Variants in ADPRHL1 observed in about 807,000 individuals in gnomAD.
ADPRHL1 encodes the protein ADP-ribosylhydrolase like 1, also known as inactive ADP-ribosyltransferase ARH2.
A neutral mutation model predicts 44.1 loss-of-function variants in ADPRHL1; 43 were observed. That is an observed-to-expected ratio of 0.98 (90% CI 0.76 to 1.26). ADPRHL1 has a LOEUF of 1.26. Among genes scored for constraint, ADPRHL1 ranks in the 50% most tolerant of loss-of-function variants. The pLI is 0.00. For missense variants in ADPRHL1, 2,022 were observed against 2,496.9 expected (o/e 0.81, Z 4.05); for synonymous variants, 878 against 1,017.4 (o/e 0.86, Z 2.61).
At position 113,403,748 on chromosome 13, in the gene ADPRHL1, TC is replaced by T; in HGVS notation, c.5533del (p.Asp1845MetfsTer111). On this transcript the variant is annotated frameshift_variant, in exon 8 of 8. Coordinates refer to ENST00000612156, the MANE Select transcript of ADPRHL1 (RefSeq NM_001394807.1). LOFTEE classifies it low-confidence loss of function (END_TRUNC). The stretch of plus-strand genomic sequence containing the variant: ...GCCACTGCCCCCTGACTGTCCACCA[TC>T]CCTGGGGGCTGGGCTTCTGGACCCC... Reference protein sequence around the residue: ...SGGSRSPAPRDGGQSGGSGLG... With the variant: ...SGGSRSPAPRXGGQSGGSGLG... The T allele has an allele frequency of 8.1e-7, 1 of 1,232,692 alleles. No individual in the cohort carries two copies. Among genetic ancestry groups the T allele is most frequent in the East Asian group, 3.2e-5 (1 of 31,716 alleles). 76.4% of individuals were successfully genotyped at this position (1,232,692 alleles called of 1,614,324 possible). A position where few individuals can be genotyped will look rare whatever the true frequency, so the allele number is the denominator to read the frequency against.
At chr13:113,412,787 C>A (rs374048080) in intron 7 of ADPRHL1, among the ~76,000 whole-genome samples, 1 of 101,650 alleles carries the variant, frequency 9.8e-6, no homozygotes, top group Non-Finnish European at 2.2e-5. Flanking sequence ...CCGCAGAACT[C>A]GGTTCACCCA....
chr13:113,448,830 T>C (rs1031470721), intron 1 of ADPRHL1, among the ~76,000 whole-genome samples: 3 of 152,244 alleles, frequency 2.0e-5, no homozygotes, highest in African/African-American at 7.2e-5. Flanking sequence ...GTTGCTCCGT[T>C]TAATCCTCTG....
rs560790341 is a variant in ADPRHL1, at chr13:113,414,204, G to C, written c.1062-5984C>G. ...TCTGGCTGTTCCAGGAGCCTGCTCA[G>C]AACACGGACCAGCCTCAGCCATGTC... On this transcript the variant is annotated intron_variant, in intron 7 of 7. Coordinates refer to ENST00000612156, the MANE Select transcript of ADPRHL1 (RefSeq NM_001394807.1). Among the ~76,000 whole-genome samples the C allele has an allele frequency of 4.6e-5, 7 of 152,178 alleles. No individual in the cohort carries two copies. The East Asian group carries it at 1.4e-3, about 29-fold the overall frequency.
intron 7 of ADPRHL1, among the ~76,000 whole-genome samples, chr13:113,416,145 C>T (rs1162183683): frequency 2.0e-5 from 3 of 151,620 alleles, no homozygotes; most frequent in African/African-American, 7.3e-5. Context: ...TGTTTGCTAA[C>T]TGCTCCCTGT....
Position 113,409,677 on chromosome 13 carries a change from G to A in ADPRHL1, c.1062-1457C>T. 4.5e-6 allele frequency: 4 copies of A among 898,450 alleles called. No individual in the cohort carries two copies. The African/African-American group carries it at 5.4e-5, about 12-fold the overall frequency. 55.7% of individuals were successfully genotyped at this position (898,450 alleles called of 1,614,324 possible). On this transcript the variant is annotated intron_variant, in intron 7 of 7. Transcript: ENST00000612156. This position sits in a 1 kb window ranked among gnomAD's most constrained non-coding sequence, Gnocchi z 4.2. ...CGAGGCTGGCAGATCACGAGGTCAG[G>A]AGATCGAGACCATCCTGGATAACAC...
chr13:113,435,171 ACCCTGTG>A (rs2044041920), intron 2 of ADPRHL1, among the ~76,000 whole-genome samples: 1 of 45,436 alleles, frequency 2.2e-5, no homozygotes, highest in African/African-American at 7.4e-5. Context: ...ACATAGGTGT[ACCCTGTG>A]ACCCAGCACC....
chr13:113,434,273 G>C (rs1002587299), intron 2 of ADPRHL1, among the ~76,000 whole-genome samples: 3 of 152,008 alleles, frequency 2.0e-5, no homozygotes, highest in Non-Finnish European at 4.4e-5. Context: ...CCCAGGCGCA[G>C]GGTGAACATA....
chr13:113,432,483 A>G (rs8002433), intron 3 of ADPRHL1, among the ~76,000 whole-genome samples: 57,751 of 152,174 alleles, frequency 0.38, 11,313 homozygotes, highest in Middle Eastern at 0.5. Context: ...TGCAGCACTC[A>G]GCTAGCAGGA....
Position 113,424,222 on chromosome 13 carries a change from T to G in ADPRHL1, c.902A>C (p.His301Pro). The change falls in exon 6 of 8, where the codon CAT becomes CCT. Residue 301 changes from histidine (H) to proline (P), a missense_variant. Around this residue, in one of 8 missense-constraint regions of ADPRHL1, gnomAD observed 437 missense variants for 430.7 expected, o/e 1.01. Transcript: ENST00000612156. Reference sequence around the variant, plus strand: ...GCCATTAAGGAACATCTCACCTCCATGAAACATGGCCCGGTGACACAGCTC... The same window carrying G: ...GCCATTAAGGAACATCTCACCTCCAGGAAACATGGCCCGGTGACACAGCTC... The part of the protein sequence containing the change: ...WTELCHRAMF[H>P]GGESAATGTI... 2 of 1,612,732 alleles carry G rather than the reference T, an allele frequency of 1.2e-6. No individual in the cohort carries two copies. Among genetic ancestry groups the G allele is most frequent in the East Asian group, 4.5e-5 (2 of 44,886 alleles).
chr13:113,436,897 T>G (rs1485772930), intron 2 of ADPRHL1, among the ~76,000 whole-genome samples: 1 of 86,630 alleles, frequency 1.2e-5, no homozygotes, highest in Non-Finnish European at 2.4e-5. Flanking sequence ...AGGTGTACCC[T>G]GTGACCCAGC....
At chr13:113,447,118 G>C (rs2044145963) in intron 1 of ADPRHL1, among the ~76,000 whole-genome samples, 1 of 147,812 alleles carries the variant, frequency 6.8e-6, no homozygotes, top group Non-Finnish European at 1.5e-5. Flanking sequence ...TGTTGTGTGT[G>C]CATGGTGTCT....
chr13:113,412,186 C>CT (rs1053032051), intron 7 of ADPRHL1, among the ~76,000 whole-genome samples: 4 of 151,282 alleles, frequency 2.6e-5, no homozygotes, highest in East Asian at 1.9e-4. Context: ...CTATAATTTG[C>CT]TTTTTTTTTG....
rs2139604380 is a variant in ADPRHL1 at position 113,412,982 on chromosome 13, GCGCCCCGCAGAGC to G, written c.1062-4775_1062-4763del. 1.8e-5 allele frequency among the ~76,000 whole-genome samples: 2 copies of G among 112,938 alleles called. 1 individual carries two copies. Among genetic ancestry groups the G allele is most frequent in the Non-Finnish European group, 3.6e-5 (2 of 56,314 alleles). 74.1% of individuals were successfully genotyped at this position (112,938 alleles called of 152,430 possible). Reference sequence around the variant, plus strand: ...GAGCTCGGTTCACCCACCGCCAACAGCGCCCCGCAGAGCTCGGTTCACCCACCGCCAACAGCGC... The same window carrying G: ...GAGCTCGGTTCACCCACCGCCAACAGTCGGTTCACCCACCGCCAACAGCGC... On this transcript the variant is annotated intron_variant, in intron 7 of 7. Coordinates refer to ENST00000612156, the MANE Select transcript of ADPRHL1 (RefSeq NM_001394807.1).
intron 1 of ADPRHL1, chr13:113,448,905 G>T: frequency 9.2e-6 from 9 of 976,004 alleles, no homozygotes; most frequent in Non-Finnish European, 1.1e-5. Context: ...AGGGAGTGGG[G>T]GTAGGGAGCT....
intron 2 of ADPRHL1, among the ~76,000 whole-genome samples, chr13:113,436,832 G>A (rs1326414885): frequency 2.1e-5 from 2 of 95,570 alleles, no homozygotes; most frequent in Non-Finnish European, 4.4e-5. Flanking sequence ...GCACCCAGGC[G>A]CAGGGTGAAC....
At chr13:113,423,695 T>C (rs780754328) in intron 6 of ADPRHL1, among the ~76,000 whole-genome samples, 2 of 152,218 alleles carry the variant, frequency 1.3e-5, no homozygotes, top group Non-Finnish European at 2.9e-5. Flanking sequence ...TCTCCCTCCA[T>C]GGCCAGAGAC....
chr13:113,422,927 G>C lies in ADPRHL1; in HGVS notation c.960C>G (p.Tyr320Ter). The C allele has an allele frequency of 6.2e-7, 1 of 1,612,942 alleles. No homozygotes were observed. The highest frequency in any genetic ancestry group is 8.5e-7 in the Non-Finnish European group (1 of 1,179,992). Residue 320 changes from tyrosine (Y) to a stop codon, truncating the protein, a stop_gained, in exon 7 of 8, where the codon TAC becomes TAG. Coordinates refer to ENST00000612156, the MANE Select transcript of ADPRHL1 (RefSeq NM_001394807.1). LOFTEE classifies it high-confidence loss of function. ...AGCCTTTGGGAACGAGGTCCAGGCC[G>C]TACAGCAACCCGAACAGGCAGCCTG... ...TIAGCLFGLL[Y>*]GLDLVPKGLY...
chr13:113,408,313 CA>C, intron 7 of ADPRHL1, 93 bp from the exon 8 acceptor site: 4 of 1,209,556 alleles, frequency 3.3e-6, no homozygotes, highest in Non-Finnish European at 4.1e-6. Flanking sequence ...CCCACCTTTT[CA>C]GGGGCCCCAA....
At chr13:113,445,735 G>A (rs771688102) in intron 1 of ADPRHL1, among the ~76,000 whole-genome samples, 21 of 152,108 alleles carry the variant, frequency 1.4e-4, no homozygotes, top group Non-Finnish European at 2.5e-4. Flanking sequence ...TTTTTCAGCC[G>A]CATCAGAGCC....
Sources: gnomAD v4.1 joint callset for allele counts (sites outside exome capture counted in the v4.1 genomes callset) on GRCh38, gnomAD v4.1.1 for gene constraint, gnomAD v4.1.1 regional missense constraint, Gnocchi (gnomAD v3.1) non-coding constraint, MANE v1.5 for transcripts, NCBI Gene and HGNC (gene_info 2026-07-23, HGNC 2026-07-21) for gene names.